IQUB: variants seen among roughly 807,000 people sequenced by gnomAD.
IQUB encodes the protein IQ motif and ubiquitin-like domain-containing protein.
A neutral mutation model predicts 86.4 loss-of-function variants in IQUB; 86 were observed. The ratio of observed to expected loss-of-function variants is 1.00; its 90% CI spans 0.84 to 1.19. The LOEUF (loss-of-function observed/expected upper bound fraction) is 1.19. Among genes scored for constraint, IQUB ranks in the 50% most tolerant of loss-of-function variants. IQUB has a pLI of 0.00. For missense variants in IQUB, 946 were observed against 916.9 expected, an observed-to-expected ratio of 1.03 and a Z score of -0.41; for synonymous variants, 289 against 304.5, an observed-to-expected ratio of 0.95 and a Z score of 0.53.
intron 1 of IQUB, among the ~76,000 whole-genome samples, chr7:123,520,783 G>A (rs547899568): frequency 2.0e-5 from 3 of 152,034 alleles, no homozygotes; most frequent in Non-Finnish European, 4.4e-5. Context: ...AATGGACCTG[G>A]GTGACAGTAG....
intron 7 of IQUB, among the ~76,000 whole-genome samples, chr7:123,495,714 A>T (rs1795682556): frequency 6.6e-6 from 1 of 152,130 alleles, no homozygotes; most frequent in Admixed American, 6.6e-5. Flanking sequence ...CCACCTTACC[A>T]GGTACTGCTG....
chr7:123,481,552 T>C (rs979901937), intron 7 of IQUB, among the ~76,000 whole-genome samples: 3 of 152,018 alleles, frequency 2.0e-5, no homozygotes, highest in African/African-American at 7.2e-5. Flanking sequence ...TTCTAAAAGA[T>C]ATAGTGCAGA....
At chr7:123,483,279 A>C (rs1795082847) in intron 7 of IQUB, among the ~76,000 whole-genome samples, 2 of 152,062 alleles carry the variant, frequency 1.3e-5, no homozygotes, top group Admixed American at 1.3e-4. Context: ...CTTTCATTAC[A>C]CACAGTCCTT....
chr7:123,497,426 A>T (rs963577831), intron 6 of IQUB, among the ~76,000 whole-genome samples: 1 of 152,134 alleles, frequency 6.6e-6, no homozygotes. Flanking sequence ...CTAAATACAC[A>T]TCAGGTAGGT....
At chr7:123,466,167 C>T (rs552711243) in intron 9 of IQUB, among the ~76,000 whole-genome samples, 12 of 152,062 alleles carry the variant, frequency 7.9e-5, no homozygotes, top group African/African-American at 2.7e-4. Context: ...TAAATATTAA[C>T]TTATTTTAAG....
At chr7:123,520,627 T>C (rs753927758) in intron 1 of IQUB, among the ~76,000 whole-genome samples, 3 of 151,896 alleles carry the variant, frequency 2.0e-5, no homozygotes, top group African/African-American at 4.8e-5. Flanking sequence ...TAGAGAGCAG[T>C]GAGTTAAGAA....
At chr7:123,496,483 TTTAA>T (rs1171833739) in intron 7 of IQUB, among the ~76,000 whole-genome samples, 3 of 152,280 alleles carry the variant, frequency 2.0e-5, no homozygotes, top group African/African-American at 7.2e-5. Flanking sequence ...GTATGTACAT[TTTAA>T]TTGTTAATAT....
At chr7:123,506,020 A>G (rs1285039581) in intron 3 of IQUB, among the ~76,000 whole-genome samples, 2 of 152,172 alleles carry the variant, frequency 1.3e-5, no homozygotes, top group Non-Finnish European at 2.9e-5. Flanking sequence ...TTCTTCCACC[A>G]GATACCCTAA....
chr7:123,483,677 G>C (rs992951190), intron 7 of IQUB, among the ~76,000 whole-genome samples: 3 of 151,972 alleles, frequency 2.0e-5, no homozygotes, highest in African/African-American at 4.8e-5. Context: ...CCTTCCACAG[G>C]AACAGAATTG....
At chr7:123,501,594 G>A (rs187219195) in intron 6 of IQUB, 1 of 152,242 alleles carries the variant, frequency 6.6e-6, no homozygotes, top group East Asian at 1.9e-4. Context: ...CTCTTGCCTA[G>A]AGGTTGCACG....
chr7:123,494,208 T>C (rs1235132357), intron 7 of IQUB, among the ~76,000 whole-genome samples: 1 of 152,050 alleles, frequency 6.6e-6, no homozygotes. Context: ...GAAAATCAAA[T>C]ATTATTGCCT....
chr7:123,505,211 T>C (rs1299119432), intron 3 of IQUB, among the ~76,000 whole-genome samples: 2 of 152,206 alleles, frequency 1.3e-5, no homozygotes, highest in Non-Finnish European at 2.9e-5. Context: ...TCAGCTCGCA[T>C]GGCTGCTCTC....
At chr7:123,524,979 T>C (rs1338255168) in intron 1 of IQUB, among the ~76,000 whole-genome samples, 1 of 152,146 alleles carries the variant, frequency 6.6e-6, no homozygotes, top group Non-Finnish European at 1.5e-5. Context: ...TTGTCTTTGG[T>C]TCTGTTTATA....
intron 1 of IQUB, among the ~76,000 whole-genome samples, chr7:123,530,300 G>A (rs1415153956): frequency 1.3e-5 from 2 of 151,592 alleles, no homozygotes; most frequent in Non-Finnish European, 2.9e-5. Context: ...GCCGGGCATG[G>A]TGGCAGGCAC....
intron 12 of IQUB, among the ~76,000 whole-genome samples, chr7:123,455,769 G>C (rs1793666155): frequency 6.6e-6 from 1 of 152,056 alleles, no homozygotes; most frequent in Non-Finnish European, 1.5e-5. Context: ...AAGAGGGAAG[G>C]TTTTAATGTA....
chr7:123,527,159 G>C (rs1281032798), intron 1 of IQUB, among the ~76,000 whole-genome samples: 1 of 152,110 alleles, frequency 6.6e-6, no homozygotes, highest in Non-Finnish European at 1.5e-5. Context: ...TTGGTTTTCA[G>C]CTCCATCAGC....
intron 12 of IQUB, among the ~76,000 whole-genome samples, chr7:123,455,866 C>G (rs1163182222): frequency 2.0e-5 from 3 of 152,120 alleles, no homozygotes; most frequent in African/African-American, 7.2e-5. Flanking sequence ...CCAGTGTGCA[C>G]ACAAGGAGAG....
chr7:123,517,560 AAG>A (rs1271609219), intron 1 of IQUB, among the ~76,000 whole-genome samples: 1 of 150,756 alleles, frequency 6.6e-6, no homozygotes, highest in Non-Finnish European at 1.5e-5. Context: ...AAAAAAAAGA[AAG>A]AGACCCTATA....
chr7:123,496,019 C>G (rs571761281), intron 7 of IQUB, among the ~76,000 whole-genome samples: 1 of 152,072 alleles, frequency 6.6e-6, no homozygotes, highest in South Asian at 2.1e-4. Context: ...AAAAGAATAT[C>G]CAACTTATGT....
Sources: gnomAD v4.1 joint callset for allele counts (sites outside exome capture counted in the v4.1 genomes callset) on GRCh38, gnomAD v4.1.1 for gene constraint, MANE v1.5 for transcripts, NCBI Gene and HGNC (gene_info 2026-07-23, HGNC 2026-07-21) for gene names.